Variants in ABCC1 observed in about 807,000 individuals in gnomAD.
ABCC1 encodes the protein ATP binding cassette subfamily C member 1 (ABCC1 blood group).
A neutral mutation model predicts 172.9 loss-of-function variants in ABCC1; 83 were observed. The ratio of observed to expected loss-of-function variants is 0.48; its 90% CI spans 0.40 to 0.58. The LOEUF (loss-of-function observed/expected upper bound fraction) is 0.58. ABCC1 is among the 20% of genes least tolerant of loss of function. The probability of loss-of-function intolerance (pLI) is 0.00; values close to 1 mark genes in which losing one functional copy is unlikely to be tolerated. For missense variants in ABCC1, 1,817 were observed against 2,002.7 expected, an observed-to-expected ratio of 0.91 and a Z score of 1.77; for synonymous variants, 937 against 825.2, an observed-to-expected ratio of 1.14 and a Z score of -2.32.
At chr16:15,991,650 C>T (rs1027638957) in intron 1 of ABCC1, among the ~76,000 whole-genome samples, 4 of 152,094 alleles carry the variant, frequency 2.6e-5, no homozygotes, top group Non-Finnish European at 5.9e-5. Flanking sequence ...GTGCCTGTCT[C>T]GGGATGGAAT....
intron 1 of ABCC1, among the ~76,000 whole-genome samples, chr16:15,983,049 T>G (rs1260712587): frequency 2.6e-5 from 4 of 152,040 alleles, no homozygotes; most frequent in African/African-American, 9.7e-5. Context: ...CTGAGAAATA[T>G]TTGATGAAAA....
intron 1 of ABCC1, among the ~76,000 whole-genome samples, chr16:15,978,856 A>G (rs975952908): frequency 1.3e-4 from 20 of 152,276 alleles, no homozygotes; most frequent in African/African-American, 4.3e-4. Context: ...CTGTTGGGTT[A>G]GGATCAGGAA....
In ABCC1 at chr16:16,036,551, G is replaced by A. The variant is rs773628789; in HGVS notation, c.757G>A (p.Val253Ile). 11 of 1,614,154 alleles carry A rather than the reference G, an allele frequency of 6.8e-6. No homozygotes were observed. Among genetic ancestry groups the A allele is most frequent in the Non-Finnish European group, 8.5e-6 (10 of 1,179,976 alleles). ...SLNKEDTSEQ[V>I]VPVLVKNWKK... ...AAACAAGGAGGACACGTCGGAACAA[G>A]TCGTGCCTGTTTTGGTAAAGAACTG... is the stretch of plus-strand genomic sequence containing the variant. Residue 253 changes from valine to isoleucine, a missense_variant, in exon 7 of 31, where the codon GTC (valine) becomes ATC (isoleucine). Physicochemically the swap from Val to Ile is conservative, Grantham distance 29. Transcript: ENST00000399410.
chr16:16,125,006 G>A (rs2045369091), intron 25 of ABCC1, 91 bp downstream of exon 25: 6 of 1,574,044 alleles, frequency 3.8e-6, no homozygotes, highest in Non-Finnish European at 5.2e-6. Context: ...CAACAGGAAT[G>A]GGGGAGAGGA....
intron 17 of ABCC1, 64 bp from the exon 18 acceptor site, chr16:16,086,760 C>T: frequency 1.3e-6 from 2 of 1,577,780 alleles, no homozygotes; most frequent in African/African-American, 2.7e-5. Context: ...ACTCGGCCTG[C>T]TTCTACGTAT....
chr16:15,956,200 C>T (rs2045993793), intron 1 of ABCC1, among the ~76,000 whole-genome samples: 1 of 151,990 alleles, frequency 6.6e-6, no homozygotes, highest in East Asian at 1.9e-4. Flanking sequence ...ATGGTAAAAC[C>T]CTGTCTCTAC....
At chr16:16,020,650 T>C (rs4781722) in intron 5 of ABCC1, among the ~76,000 whole-genome samples, 16,007 of 152,194 alleles carry the variant, frequency 0.11, 983 homozygotes, top group African/African-American at 0.17. Flanking sequence ...CCACCCCTGG[T>C]CTAAGCATTT....
chr16:16,141,157 A>G lies in ABCC1; in HGVS notation c.4488-16A>G, dbSNP rs1005905605. ...CCCCTCCCCTTCCCCTCATGTCTGT[A>G]TCCCCTCTCCCTCAGGGTGATCGTC... On this transcript the variant is annotated splice_polypyrimidine_tract_variant and intron_variant, in intron 30 of 30. Coordinates refer to ENST00000399410, the MANE Select transcript of ABCC1 (RefSeq NM_004996.4). 30 of 1,611,836 alleles carry G rather than the reference A, an allele frequency of 1.9e-5. No individual in the cohort carries two copies. Among genetic ancestry groups the G allele is most frequent in the Non-Finnish European group, 2.5e-5 (30 of 1,178,316 alleles).
At chr16:16,083,290 G>C (rs1017576012) in intron 16 of ABCC1, 76 bp from the exon 17 acceptor site, 1 of 1,427,942 alleles carries the variant, frequency 7.0e-7, no homozygotes, top group Non-Finnish European at 9.7e-7. Flanking sequence ...CCTAGCAGGC[G>C]GGTGGGCCAG....
chr16:16,018,459 G>T (rs570215567), intron 5 of ABCC1, among the ~76,000 whole-genome samples: 1 of 152,254 alleles, frequency 6.6e-6, no homozygotes, highest in East Asian at 1.9e-4. Flanking sequence ...TGAGGCAGGA[G>T]AATCTCTTGA....
At chr16:16,083,973 ATGCTGT>A (rs1197867719) in intron 17 of ABCC1, among the ~76,000 whole-genome samples, 2 of 152,210 alleles carry the variant, frequency 1.3e-5, no homozygotes, top group Non-Finnish European at 2.9e-5. Context: ...GACAGAGGGC[ATGCTGT>A]TGGGAGGAGG....
intron 20 of ABCC1, among the ~76,000 whole-genome samples, chr16:16,103,978 C>T (rs753254993): frequency 2.0e-5 from 3 of 152,068 alleles, no homozygotes; most frequent in Non-Finnish European, 4.4e-5. Flanking sequence ...TTCGTGGTCT[C>T]GCTGGCCTCA....
intron 19 of ABCC1, chr16:16,094,640 A>G (rs1184352423): frequency 6.6e-6 from 1 of 151,646 alleles, no homozygotes; most frequent in African/African-American, 2.4e-5. Context: ...CAGCCTCCCG[A>G]GTAGCTGGGA....
chr16:16,028,238 TCTCA>T (rs746114424), intron 5 of ABCC1, among the ~76,000 whole-genome samples: 17 of 152,144 alleles, frequency 1.1e-4, no homozygotes, highest in Non-Finnish European at 1.8e-4. Flanking sequence ...TTGTTGCAGC[TCTCA>T]CTGATTGTAA....
At position 16,001,435 on chromosome 16, in the gene ABCC1, C is replaced by T. The variant is rs988260954; in HGVS notation, c.49-6381C>T. Among the ~76,000 whole-genome samples, 18 of 152,004 alleles carry T rather than the reference C, an allele frequency of 1.2e-4. No homozygotes were observed. The East Asian group carries it at 3.5e-3, about 29-fold the overall frequency. ...CACTGTGGTCTCGATCTGCTGACCT[C>T]GTGATCCACCCACCTCGGCCTCCCA... is the stretch of plus-strand genomic sequence containing the variant. On this transcript the variant is annotated intron_variant, in intron 1 of 30. Transcript: ENST00000399410.
chr16:15,998,435 A>T (rs1487735375), intron 1 of ABCC1, among the ~76,000 whole-genome samples: 1 of 151,956 alleles, frequency 6.6e-6, no homozygotes, highest in African/African-American at 2.4e-5. Flanking sequence ...TCCTCAGATG[A>T]TCTTAGCTTT....
intron 14 of ABCC1, chr16:16,076,072 G>T: frequency 1.9e-6 from 1 of 531,070 alleles, no homozygotes; most frequent in East Asian, 3.4e-5. Context: ...TGATCGTCCA[G>T]ATGGCGCAAC....
intron 12 of ABCC1, among the ~76,000 whole-genome samples, chr16:16,058,090 TCCTGGG>T (rs1046349427): frequency 6.6e-6 from 1 of 152,134 alleles, no homozygotes; most frequent in African/African-American, 2.4e-5. Flanking sequence ...CTGGTACCTG[TCCTGGG>T]GTATGGTAAT....
Position 16,122,109 on chromosome 16 carries a change from C to G in ABCC1, c.3525C>G (p.Ile1175Met), listed in dbSNP as rs1444623364. Residue 1175 changes from isoleucine to methionine, a missense_variant, in exon 24 of 31, where the codon ATC (isoleucine) becomes ATG (methionine). Ile to Met is a conservative substitution (Grantham distance 10). Around this residue, in one of 3 missense-constraint regions of ABCC1, gnomAD observed 1,412 missense variants for 1,600.3 expected, o/e 0.88. Transcript: ENST00000399410. ...IRAFEEQERF[I>M]HQSDLKVDEN... is the part of the protein sequence containing the mutation. ...CCTTCGAGGAGCAGGAGCGCTTCAT[C>G]CACCAGAGTGACCTGAAGGTGGACG... is the stretch of plus-strand genomic sequence containing the variant. The G allele has an allele frequency of 6.2e-7, 1 of 1,614,188 alleles. No homozygotes were observed. Among genetic ancestry groups the G allele is most frequent in the African/African-American group, 1.3e-5 (1 of 75,042 alleles).
Sources: gnomAD v4.1 joint callset for allele counts (sites outside exome capture counted in the v4.1 genomes callset) on GRCh38, gnomAD v4.1.1 for gene constraint, gnomAD v4.1.1 regional missense constraint, MANE v1.5 for transcripts, NCBI Gene and HGNC (gene_info 2026-07-23, HGNC 2026-07-21) for gene names.